Variants in ZFYVE9 observed in about 807,000 individuals in gnomAD.
ZFYVE9 encodes the protein zinc finger FYVE-type containing 9.
Under a neutral mutation model 126.7 loss-of-function variants are expected in ZFYVE9, and 43 were observed. That is an observed-to-expected ratio of 0.34 (90% confidence interval 0.27 to 0.44). The LOEUF is 0.44. ZFYVE9 is among the 20% of genes least tolerant of loss of function. ZFYVE9 has a pLI of 1.00. For synonymous variants in ZFYVE9, 521 were observed against 597.4 expected, an observed-to-expected ratio of 0.87 and a Z score of 1.87; for missense variants, 1,476 against 1,697.0, an observed-to-expected ratio of 0.87 and a Z score of 2.29.
chr1:52,228,612 A>C (rs6702080), intron 2 of ZFYVE9, among the ~76,000 whole-genome samples: 1 of 152,172 alleles, frequency 6.6e-6, no homozygotes, highest in East Asian at 1.9e-4. Context: ...ACAACACAAC[A>C]CTTCTTCCCT....
chr1:52,279,124 GA>G (rs1364529864), intron 9 of ZFYVE9, among the ~76,000 whole-genome samples: 4 of 152,086 alleles, frequency 2.6e-5, no homozygotes, highest in African/African-American at 9.7e-5. Flanking sequence ...GGAACTAACC[GA>G]AACTCTCACA....
rs550926222 is a variant in ZFYVE9 at position 52,341,835 on chromosome 1, G to A, written c.3939+1604G>A. 1.3e-3 allele frequency among the ~76,000 whole-genome samples: 199 copies of A among 152,296 alleles called. 1 individual carries two copies. Among genetic ancestry groups the A allele is most frequent in the Non-Finnish European group, 2.2e-3 (147 of 68,020 alleles). On this transcript the variant is annotated intron_variant, in intron 17 of 18. Coordinates refer to ENST00000287727, the MANE Select transcript of ZFYVE9 (RefSeq NM_004799.4). Reference sequence around the variant, plus strand: ...CTCCATGATTTCATATGCAGCCAAGGGATTTTAGTTGCTTGCTATGTAATG... The same window carrying A: ...CTCCATGATTTCATATGCAGCCAAGAGATTTTAGTTGCTTGCTATGTAATG...
At chr1:52,198,355 T>C (rs608329) in intron 1 of ZFYVE9, among the ~76,000 whole-genome samples, 147,384 of 151,922 alleles carry the variant, frequency 0.97, 71,507 homozygotes, top group East Asian at 1. Context: ...GTGATCCACC[T>C]GCCTCGACCT....
intron 13 of ZFYVE9, among the ~76,000 whole-genome samples, chr1:52,332,361 G>A (rs2762819): frequency 0.81 from 122,883 of 152,128 alleles, 52,172 homozygotes; most frequent in Non-Finnish European, 0.93. Flanking sequence ...CACTCCTTTG[G>A]AAGTTGAAAA....
In ZFYVE9 at chr1:52,157,284, A is replaced by G. The variant is rs1644411776; in HGVS notation, c.-143+14881A>G. 5.9e-5 allele frequency among the ~76,000 whole-genome samples: 9 copies of G among 151,698 alleles called. 1 individual carries two copies. The South Asian group carries it at 1.9e-3, about 32-fold the overall frequency. ...GGGATAGTAGGTTTTTATTGGTGCAATCACCCTCAGCCTCCTGCTTATCCA... is the reference window on the plus strand; with the variant it reads ...GGGATAGTAGGTTTTTATTGGTGCAGTCACCCTCAGCCTCCTGCTTATCCA... On this transcript the variant is annotated intron_variant, in intron 1 of 18. Transcript: ENST00000287727.
chr1:52,235,268 C>T (rs1645263453), intron 3 of ZFYVE9, among the ~76,000 whole-genome samples: 1 of 151,440 alleles, frequency 6.6e-6, no homozygotes, highest in Non-Finnish European at 1.5e-5. Context: ...AATGATTTCT[C>T]ATTTTGTGTT....
intron 1 of ZFYVE9, among the ~76,000 whole-genome samples, chr1:52,159,097 T>A (rs1371666915): frequency 6.6e-6 from 1 of 152,108 alleles, no homozygotes; most frequent in Non-Finnish European, 1.5e-5. Flanking sequence ...CGGCTATTCT[T>A]GTATGTTTTG....
At position 52,346,114 on chromosome 1, in the gene ZFYVE9, G is replaced by T; in HGVS notation, c.4171G>T (p.Asp1391Tyr). 6.8e-6 allele frequency: 11 copies of T among 1,613,306 alleles called. No homozygotes were observed. The highest frequency in any genetic ancestry group is 9.3e-6 in the Non-Finnish European group (11 of 1,179,382). ...GCCCCTTCCCTCGCAGTACATGAAT[G>T]ATCTGGACAGCGCCTTGGTGCCGGT... is the stretch of plus-strand genomic sequence containing the variant. ...GQPLPSQYMN[D>Y]LDSALVPVIH... The change falls in exon 19 of 19, where the codon GAT becomes TAT. Residue 1391 changes from aspartate to tyrosine, a missense_variant. Asp to Tyr is a radical substitution (Grantham distance 160). This residue lies in a region of ZFYVE9 where 669 missense variants were observed against 902.4 expected (regional missense o/e 0.74). Coordinates refer to ENST00000287727, the MANE Select transcript of ZFYVE9 (RefSeq NM_004799.4).
At chr1:52,195,083 C>G (rs1023670153) in intron 1 of ZFYVE9, among the ~76,000 whole-genome samples, 1 of 152,162 alleles carries the variant, frequency 6.6e-6, no homozygotes, top group African/African-American at 2.4e-5. Flanking sequence ...CTCTGTAGTG[C>G]TTACTGCATC....
chr1:52,339,024 T>A (rs1297647885), intron 16 of ZFYVE9, among the ~76,000 whole-genome samples: 1 of 151,830 alleles, frequency 6.6e-6, no homozygotes, highest in Non-Finnish European at 1.5e-5. Flanking sequence ...AAAAAAAAAA[T>A]AGAGATTCAA....
intron 7 of ZFYVE9, among the ~76,000 whole-genome samples, chr1:52,272,395 G>A (rs778850186): frequency 8.5e-5 from 13 of 152,066 alleles, no homozygotes; most frequent in Non-Finnish European, 1.5e-4. Context: ...CTTTCATCAA[G>A]GTAACCATTG....
intron 2 of ZFYVE9, among the ~76,000 whole-genome samples, chr1:52,222,324 T>A (rs142415110): frequency 1.7e-3 from 261 of 152,354 alleles, no homozygotes; most frequent in Middle Eastern, 3.4e-3. Flanking sequence ...TACTGTTGTT[T>A]TCTATCAGAG....
At position 52,266,809 on chromosome 1, in the gene ZFYVE9, T is replaced by G. The variant is rs374853131; in HGVS notation, c.2433T>G (p.Val811=). 6.2e-6 allele frequency: 10 copies of G among 1,604,488 alleles called. No homozygotes were observed. The African/African-American group carries it at 1.2e-4, about 19-fold the overall frequency. ...CCACTGTGATGGTACCTGTGGGAGT[T>G]TTAAAGCACCCTGGAGCAGAAGGTA... ...PPPTVMVPVG[V]LKHPGAEVAQ... is the part of the protein sequence containing the mutation. The change falls in exon 6 of 19, where the codon GTT becomes GTG. Residue 811 remains valine (V), a synonymous_variant. Coordinates refer to ENST00000287727, the MANE Select transcript of ZFYVE9 (RefSeq NM_004799.4).
At chr1:52,333,360 G>C (rs2147870676) in intron 14 of ZFYVE9, among the ~76,000 whole-genome samples, 1 of 152,020 alleles carries the variant, frequency 6.6e-6, no homozygotes, top group East Asian at 1.9e-4. Flanking sequence ...GGCACGACTA[G>C]GCCCCATAAT....
intron 2 of ZFYVE9, among the ~76,000 whole-genome samples, chr1:52,219,683 A>G (rs770185382): frequency 1.3e-5 from 2 of 151,064 alleles, no homozygotes; most frequent in African/African-American, 2.4e-5. Context: ...TTTTGTTTCA[A>G]ATGTGGGAAG....
At chr1:52,326,188 T>A (rs1005226348) in intron 13 of ZFYVE9, among the ~76,000 whole-genome samples, 2 of 152,244 alleles carry the variant, frequency 1.3e-5, no homozygotes, top group African/African-American at 4.8e-5. Flanking sequence ...TTTACTGGTA[T>A]GTCATTCTCA....
At chr1:52,277,084 T>G (rs1399519084) in intron 8 of ZFYVE9, among the ~76,000 whole-genome samples, 1 of 152,230 alleles carries the variant, frequency 6.6e-6, no homozygotes. Flanking sequence ...ATATCTACTG[T>G]TAGTAAAATT....
chr1:52,180,789 A>G (rs533599715), intron 1 of ZFYVE9, among the ~76,000 whole-genome samples: 1 of 152,070 alleles, frequency 6.6e-6, no homozygotes, highest in Non-Finnish European at 1.5e-5. Flanking sequence ...CAGCCTTACC[A>G]ACATGGAGAA....
chr1:52,147,061 A>C (rs1384628562), intron 1 of ZFYVE9, among the ~76,000 whole-genome samples: 2 of 152,146 alleles, frequency 1.3e-5, no homozygotes, highest in Non-Finnish European at 2.9e-5. Flanking sequence ...AATTATTAAA[A>C]ATAGTGTATA....
Sources: allele counts gnomAD v4.1 joint callset (sites outside exome capture counted in the v4.1 genomes callset), GRCh38; gene constraint gnomAD v4.1.1; regional missense constraint gnomAD v4.1.1; transcripts MANE v1.5; gene names NCBI Gene and HGNC (gene_info 2026-07-23, HGNC 2026-07-21).